The following ZNRF2 variants were observed in gnomAD, a reference collection of about 807,000 sequenced individuals.
The protein encoded by ZNRF2 is zinc and ring finger 2.
Under a neutral mutation model 20.4 loss-of-function variants are expected in ZNRF2, and 16 were observed. That is an observed-to-expected ratio of 0.79 (90% confidence interval 0.53 to 1.19). The LOEUF is 1.19. ZNRF2 is among the 50% of genes most tolerant of loss of function. The pLI is 0.00. For missense variants in ZNRF2, 363 were observed against 332.4 expected (o/e 1.09, Z -0.72); for synonymous variants, 178 against 144.9 (o/e 1.23, Z -1.64).
chr7:30,325,339 A>G (rs1023118085), intron 2 of ZNRF2, among the ~76,000 whole-genome samples: 1 of 152,198 alleles, frequency 6.6e-6, no homozygotes, highest in Non-Finnish European at 1.5e-5. Flanking sequence ...GGCTAAATTC[A>G]ACATATATTT....
At chr7:30,355,376 A>G (rs1391247545) in intron 2 of ZNRF2, among the ~76,000 whole-genome samples, 1 of 152,016 alleles carries the variant, frequency 6.6e-6, no homozygotes, top group Non-Finnish European at 1.5e-5. Flanking sequence ...AAATTCTTTG[A>G]ACTATCTTGG....
chr7:30,316,288 CAAAAAAAAAAAA>C (rs60218988), intron 1 of ZNRF2, among the ~76,000 whole-genome samples: 329 of 27,512 alleles, frequency 0.012, 2 homozygotes, highest in African/African-American at 0.028. Flanking sequence ...AACTCCATCT[CAAAAAAAAAAAA>C]AAAAAAAAAA....
chr7:30,300,199 A>T, intron 1 of ZNRF2, among the ~76,000 whole-genome samples: 1 of 132,550 alleles, frequency 7.5e-6, no homozygotes, highest in Non-Finnish European at 1.5e-5. Context: ...GTCAGGCTGG[A>T]GTGCAGTGGC....
intron 1 of ZNRF2, among the ~76,000 whole-genome samples, chr7:30,293,592 A>G (rs572538418): frequency 1.3e-5 from 2 of 152,294 alleles, no homozygotes; most frequent in East Asian, 1.9e-4. Flanking sequence ...ACAAAGATAC[A>G]CTTTTGTTCA....
chr7:30,299,726 G>A (rs971966490), intron 1 of ZNRF2, among the ~76,000 whole-genome samples: 6 of 150,896 alleles, frequency 4.0e-5, no homozygotes, highest in African/African-American at 1.5e-4. Context: ...TTTTGTGATG[G>A]AGGCTGTTAT....
chr7:30,325,667 G>A (rs1186319591), intron 2 of ZNRF2, among the ~76,000 whole-genome samples: 1 of 152,132 alleles, frequency 6.6e-6, no homozygotes, highest in Non-Finnish European at 1.5e-5. Context: ...TTTCTAGTAT[G>A]GTGGTGCTTC....
chr7:30,286,253 A>G (rs1042473443), intron 1 of ZNRF2, among the ~76,000 whole-genome samples: 23 of 152,334 alleles, frequency 1.5e-4, no homozygotes, highest in African/African-American at 5.5e-4. Context: ...CCAAAAGTCA[A>G]AGCGTCTCAA....
intron 2 of ZNRF2, among the ~76,000 whole-genome samples, chr7:30,346,787 ATTTC>A (rs1355921150): frequency 4.6e-5 from 7 of 151,896 alleles, no homozygotes; most frequent in African/African-American, 1.4e-4. Flanking sequence ...TTCTTCTAGT[ATTTC>A]TTTGATTGTT....
At chr7:30,364,497 T>TA (rs1800179251) in intron 4 of ZNRF2, among the ~76,000 whole-genome samples, 1 of 152,064 alleles carries the variant, frequency 6.6e-6, no homozygotes, top group Non-Finnish European at 1.5e-5. Flanking sequence ...AATAAATAAA[T>TA]AAAATGTGAA....
intron 2 of ZNRF2, among the ~76,000 whole-genome samples, chr7:30,348,480 A>G (rs1314286806): frequency 1.3e-5 from 2 of 152,226 alleles, no homozygotes; most frequent in East Asian, 3.8e-4. Flanking sequence ...CAGAGGTGGC[A>G]AAGGATTGGC....
In ZNRF2 at chr7:30,289,895, C is replaced by T. The variant is rs762398251; in HGVS notation, c.469+4069C>T. 15 of 534,372 alleles carry T rather than the reference C, an allele frequency of 2.8e-5. No homozygotes were observed. The Admixed American group carries it at 2.9e-4, about 10-fold the overall frequency. 33.1% of individuals were successfully genotyped at this position (534,372 alleles called of 1,614,324 possible). On this transcript the variant is annotated intron_variant, in intron 1 of 4. Transcript: ENST00000323037. ...GCACATCTCCAACAAGTCTCTTGCT[C>T]TCCTCCAATTTGATCGCTTTGCCTG... is the stretch of plus-strand genomic sequence containing the variant.
intron 1 of ZNRF2, among the ~76,000 whole-genome samples, chr7:30,295,050 AGTGTGTGTGTGTGTGTGTGTGTGTGTGT>A (rs71536219): frequency 7.8e-5 from 3 of 38,282 alleles, no homozygotes; most frequent in Non-Finnish European, 9.6e-5. Context: ...AGAGAGAGAG[AGTGTGTGTGTGTGTGTGTGTGTGTGTGT>A]GTGTGTGTGT....
intron 1 of ZNRF2, among the ~76,000 whole-genome samples, chr7:30,291,996 G>T (rs548254433): frequency 5.6e-4 from 85 of 151,940 alleles, no homozygotes; most frequent in African/African-American, 1.9e-3. Flanking sequence ...ACTAACATAC[G>T]GAAAAGCAGG....
chr7:30,339,638 C>A (rs568886333), intron 2 of ZNRF2, among the ~76,000 whole-genome samples: 2 of 152,196 alleles, frequency 1.3e-5, no homozygotes, highest in African/African-American at 4.8e-5. Flanking sequence ...TGTTTTGGTA[C>A]CAGTACTATG....
intron 1 of ZNRF2, among the ~76,000 whole-genome samples, chr7:30,320,805 T>C (rs1171193571): frequency 1.3e-5 from 2 of 152,240 alleles, no homozygotes; most frequent in African/African-American, 4.8e-5. Context: ...TATTTTAAAT[T>C]CATTATTTGT....
chr7:30,314,573 C>A (rs531860665), intron 1 of ZNRF2, among the ~76,000 whole-genome samples: 18 of 151,750 alleles, frequency 1.2e-4, no homozygotes, highest in African/African-American at 4.4e-4. Context: ...AAAAGGGTAT[C>A]AGTAATAAAA....
intron 3 of ZNRF2, among the ~76,000 whole-genome samples, chr7:30,360,526 G>T (rs551513472): frequency 1.8e-4 from 26 of 145,304 alleles, no homozygotes; most frequent in African/African-American, 6.8e-4. Context: ...TGTCTCTACT[G>T]GAAAAAAAAA....
intron 4 of ZNRF2, among the ~76,000 whole-genome samples, chr7:30,363,129 C>A (rs1282797941): frequency 2.0e-5 from 3 of 151,198 alleles, no homozygotes; most frequent in Non-Finnish European, 2.9e-5. Context: ...TCAAAAAAAA[C>A]AAAAAACAAA....
At chr7:30,332,923 A>T (rs1355524656) in intron 2 of ZNRF2, among the ~76,000 whole-genome samples, 4 of 152,080 alleles carry the variant, frequency 2.6e-5, no homozygotes, top group African/African-American at 9.7e-5. Context: ...GTTGAATGGT[A>T]GTACTGGTTT....
Sources: gnomAD v4.1 joint callset for allele counts (sites outside exome capture counted in the v4.1 genomes callset) on GRCh38, gnomAD v4.1.1 for gene constraint, MANE v1.5 for transcripts, NCBI Gene and HGNC (gene_info 2026-07-23, HGNC 2026-07-21) for gene names.